Variants in SNX29 observed in about 807,000 individuals in gnomAD.
SNX29 encodes the protein sorting nexin 29.
Under a neutral mutation model 102.1 loss-of-function variants are expected in SNX29, and 78 were observed. That is an observed-to-expected ratio of 0.76 (90% CI 0.64 to 0.92). SNX29 has a LOEUF of 0.92. Among genes scored for constraint, SNX29 ranks in the 40% least tolerant of loss-of-function variants. The pLI, the probability that SNX29 is intolerant of heterozygous loss-of-function variation, is 0.00. For synonymous variants in SNX29, 580 were observed against 414.5 expected (o/e 1.40, Z -4.85); for missense variants, 1,280 against 1,061.7 (o/e 1.21, Z -2.86).
chr16:12,407,634 C>T (rs1000938883), intron 18 of SNX29, among the ~76,000 whole-genome samples: 8 of 151,824 alleles, frequency 5.3e-5, no homozygotes, highest in African/African-American at 1.9e-4. Flanking sequence ...TGTAATAGCT[C>T]ATTCAATCCT....
At chr16:12,198,766 G>A (rs962190532) in intron 13 of SNX29, among the ~76,000 whole-genome samples, 12 of 152,262 alleles carry the variant, frequency 7.9e-5, no homozygotes, top group African/African-American at 2.7e-4. Context: ...CTCTTCTCCT[G>A]TAAAATGTGG....
chr16:12,511,116 G>A (rs1036456962), intron 19 of SNX29, among the ~76,000 whole-genome samples: 1 of 152,196 alleles, frequency 6.6e-6, no homozygotes, highest in East Asian at 1.9e-4. Flanking sequence ...ATTTCTCACT[G>A]TGCCAGGAGG....
intron 13 of SNX29, among the ~76,000 whole-genome samples, chr16:12,198,840 T>C (rs1270941982): frequency 6.6e-6 from 1 of 152,232 alleles, no homozygotes; most frequent in East Asian, 1.9e-4. Context: ...GAATGACGGA[T>C]GGATGAATGA....
chr16:12,495,082 G>C (rs904755590), intron 19 of SNX29, among the ~76,000 whole-genome samples: 1 of 152,226 alleles, frequency 6.6e-6, no homozygotes, highest in African/African-American at 2.4e-5. Context: ...TGCACATGCA[G>C]TTCCTTTAGG....
intron 15 of SNX29, among the ~76,000 whole-genome samples, chr16:12,335,500 C>T (rs2081419059): frequency 6.6e-6 from 1 of 152,066 alleles, no homozygotes; most frequent in Non-Finnish European, 1.5e-5. Flanking sequence ...ACCCCTCCCA[C>T]CCCATCTCTA....
intron 18 of SNX29, among the ~76,000 whole-genome samples, chr16:12,447,036 A>G (rs2086088926): frequency 6.6e-6 from 1 of 151,824 alleles, no homozygotes; most frequent in Non-Finnish European, 1.5e-5. Context: ...GTGTGGTGGC[A>G]CGCATCTGTA....
intron 4 of SNX29, among the ~76,000 whole-genome samples, chr16:12,038,076 C>G (rs1038151420): frequency 9.9e-5 from 15 of 152,162 alleles, no homozygotes; most frequent in African/African-American, 3.1e-4. Context: ...CATTGAGCAC[C>G]AATTATATGC....
At chr16:12,343,810 G>A (rs1337228243) in intron 15 of SNX29, among the ~76,000 whole-genome samples, 1 of 152,240 alleles carries the variant, frequency 6.6e-6, no homozygotes, top group East Asian at 1.9e-4. Context: ...TTTGTTGAAT[G>A]AATGAAGAAA....
In SNX29 at chr16:12,048,132, G is replaced by A. The variant is rs531248399; in HGVS notation, c.500-240G>A. Among the ~76,000 whole-genome samples the A allele has an allele frequency of 6.0e-5, 9 of 151,072 alleles. No homozygotes were observed. In the South Asian group the frequency reaches 1.7e-3, roughly 28 times the overall value. On this transcript the variant is annotated intron_variant, in intron 6 of 20. Transcript: ENST00000566228. ...ACTCCCATGATAACGGATGTCTGCTGACCCCAGTTTCATGGGAGGTTTTTT... is the reference window on the plus strand; with the variant it reads ...ACTCCCATGATAACGGATGTCTGCTAACCCCAGTTTCATGGGAGGTTTTTT...
intron 20 of SNX29, among the ~76,000 whole-genome samples, chr16:12,559,692 G>C (rs9939547): frequency 1.3e-5 from 2 of 151,838 alleles, no homozygotes; most frequent in African/African-American, 2.4e-5. Flanking sequence ...GTAACTTCTC[G>C]AGCTTCCCAT....
chr16:12,370,653 G>A (rs1346127302), intron 16 of SNX29, among the ~76,000 whole-genome samples: 1 of 152,210 alleles, frequency 6.6e-6, no homozygotes, highest in African/African-American at 2.4e-5. Flanking sequence ...AGCACCAAGG[G>A]CATCTTCCGG....
At chr16:12,091,799 C>G (rs1340732151) in intron 11 of SNX29, among the ~76,000 whole-genome samples, 1 of 146,432 alleles carries the variant, frequency 6.8e-6, no homozygotes, top group African/African-American at 2.5e-5. Flanking sequence ...AAAAAGGGAC[C>G]CCAGAGACCT....
intron 14 of SNX29, among the ~76,000 whole-genome samples, chr16:12,252,148 T>C (rs571326903): frequency 1.3e-5 from 2 of 152,360 alleles, no homozygotes; most frequent in South Asian, 4.1e-4. Flanking sequence ...CTTACCAGCT[T>C]TCCCCAAATC....
chr16:11,979,766 T>C (rs1196131214), intron 1 of SNX29, among the ~76,000 whole-genome samples: 3 of 151,954 alleles, frequency 2.0e-5, no homozygotes, highest in Non-Finnish European at 4.4e-5. Flanking sequence ...GTATTTTTAG[T>C]AGAGATGGAG....
chr16:12,546,950 C>G (rs1275441966), intron 20 of SNX29, among the ~76,000 whole-genome samples: 1 of 152,124 alleles, frequency 6.6e-6, no homozygotes, highest in Admixed American at 6.6e-5. Flanking sequence ...AATAAATTCC[C>G]CACCCCTCCA....
chr16:12,542,393 T>C (rs1236944420), intron 20 of SNX29, among the ~76,000 whole-genome samples: 1 of 152,238 alleles, frequency 6.6e-6, no homozygotes, highest in Non-Finnish European at 1.5e-5. Context: ...TGGAGTACAG[T>C]GGCACAGTCT....
At chr16:12,255,859 G>A (rs1262915985) in intron 14 of SNX29, among the ~76,000 whole-genome samples, 1 of 152,134 alleles carries the variant, frequency 6.6e-6, no homozygotes, top group Non-Finnish European at 1.5e-5. Context: ...ATAACTCTTC[G>A]ACATACTGGT....
chr16:12,016,150 C>T (rs1210852877), intron 3 of SNX29, among the ~76,000 whole-genome samples: 1 of 152,218 alleles, frequency 6.6e-6, no homozygotes, highest in East Asian at 1.9e-4. Context: ...CAGGTGGGAG[C>T]CACTGCCCCC....
intron 13 of SNX29, among the ~76,000 whole-genome samples, chr16:12,145,286 A>G (rs1419944900): frequency 1.3e-5 from 2 of 152,214 alleles, no homozygotes; most frequent in Non-Finnish European, 2.9e-5. Context: ...CCATGACTGT[A>G]GCGTGATAAT....
Sources: gnomAD v4.1 joint callset for allele counts (sites outside exome capture counted in the v4.1 genomes callset) on GRCh38, gnomAD v4.1.1 for gene constraint, MANE v1.5 for transcripts, NCBI Gene and HGNC (gene_info 2026-07-23, HGNC 2026-07-21) for gene names.